METTL22: variants seen among roughly 807,000 people sequenced by gnomAD.
METTL22 encodes methyltransferase 22, Kin17 lysine.
In METTL22, 51 loss-of-function variants were observed where a neutral mutation model predicts 48.4. The ratio of observed to expected loss-of-function variants is 1.05; its 90% CI spans 0.84 to 1.33. The LOEUF is 1.33. Among genes scored for constraint, METTL22 ranks in the 40% most tolerant of loss-of-function variants. METTL22 has a pLI of 0.00. For missense variants in METTL22, 678 were observed against 526.9 expected, an observed-to-expected ratio of 1.29 and a Z score of -2.81; for synonymous variants, 255 against 214.1, an observed-to-expected ratio of 1.19 and a Z score of -1.67.
the METTL22 span, among the ~76,000 whole-genome samples, chr16:8,659,697 T>A: frequency 6.6e-6 from 1 of 151,662 alleles, no homozygotes; most frequent in African/African-American, 2.4e-5. Flanking sequence ...GTGTATACAA[T>A]TGATTAAATT....
Position 8,638,970 on chromosome 16 carries a change from G to C in METTL22, c.701-121G>C, listed in dbSNP as rs942022404. The C allele has an allele frequency of 5.3e-5, 50 of 947,858 alleles. No individual in the cohort carries two copies. In the African/African-American group the frequency reaches 7.9e-4, roughly 15 times the overall value. The allele number at this position is 947,858 out of a possible 1,614,324, so 58.7% of individuals were successfully genotyped here. A position where few individuals can be genotyped will look rare whatever the true frequency, so the allele number is the denominator to read the frequency against. On this transcript the variant is annotated intron_variant, in intron 5 of 10. Transcript: ENST00000381920. Reference sequence around the variant, plus strand: ...TTAATTTTGGCAGTAAGACACATAGGAGAAACGTTTCTCTAATTTCTGCAG... The same window carrying C: ...TTAATTTTGGCAGTAAGACACATAGCAGAAACGTTTCTCTAATTTCTGCAG...
Position 8,635,286 on chromosome 16 carries a change from C to A in METTL22, c.674C>A (p.Thr225Asn). The change falls in exon 5 of 11, where the codon ACC becomes AAC. Residue 225 changes from threonine to asparagine, a missense_variant. Physicochemically the swap from Thr to Asn is moderately conservative, Grantham distance 65. Coordinates refer to ENST00000381920, the MANE Select transcript of METTL22 (RefSeq NM_024109.4). ...GTGLASIIAA[T>N]MARTVYCTDV... ...GGGCTCGCTAGCATCATCGCAGCCACCATGGCACGGACCGTTTATTGTACA... is the reference window on the plus strand; with the variant it reads ...GGGCTCGCTAGCATCATCGCAGCCAACATGGCACGGACCGTTTATTGTACA... 1 of 1,594,446 alleles carries A rather than the reference C, an allele frequency of 6.3e-7. No individual in the cohort carries two copies. The highest frequency in any genetic ancestry group is 1.1e-5 in the South Asian group (1 of 89,510).
chr16:8,663,578 G>A, the METTL22 span, among the ~76,000 whole-genome samples: 2 of 152,010 alleles, frequency 1.3e-5, no homozygotes, highest in African/African-American at 2.4e-5. Context: ...CCTGGAGGCT[G>A]GGGGAGGTCC....
At position 8,647,007 on chromosome 16, in the gene METTL22, C is replaced by A; in HGVS notation, c.*864C>A. The A allele has an allele frequency of 3.1e-6, 1 of 319,226 alleles. No homozygotes were observed. Among genetic ancestry groups the A allele is most frequent in the Non-Finnish European group, 6.2e-6 (1 of 162,006 alleles). The allele number at this position is 319,226 out of a possible 1,614,324, so 19.8% of individuals were successfully genotyped here. ...GTCCCATCTTCCTGCTACCCTTGGCCCTCCCTGCAGCCCCTTTCCCCTGCC... is the reference window on the plus strand; with the variant it reads ...GTCCCATCTTCCTGCTACCCTTGGCACTCCCTGCAGCCCCTTTCCCCTGCC... On this transcript the variant is annotated 3_prime_UTR_variant, in exon 11 of 11. Coordinates refer to ENST00000381920, the MANE Select transcript of METTL22 (RefSeq NM_024109.4).
At chr16:8,663,510 C>G in the METTL22 span, among the ~76,000 whole-genome samples, 3 of 152,028 alleles carry the variant, frequency 2.0e-5, no homozygotes, top group African/African-American at 7.2e-5. Flanking sequence ...GGGAGGGTCA[C>G]CTGGGGAAGA....
intron 5 of METTL22, among the ~76,000 whole-genome samples, chr16:8,638,118 G>GC (rs60617700): frequency 0.99 from 150,414 of 152,314 alleles, 74,302 homozygotes; most frequent in Middle Eastern, 1. Flanking sequence ...CTGTACTTCA[G>GC]TTGGTCAACA....
At chr16:8,637,192 C>T (rs565396412) in intron 5 of METTL22, among the ~76,000 whole-genome samples, 1 of 152,284 alleles carries the variant, frequency 6.6e-6, no homozygotes, top group East Asian at 1.9e-4. Context: ...CTGGCACAGA[C>T]TTTTGTTTCT....
downstream of METTL22, among the ~76,000 whole-genome samples, chr16:8,652,342 C>A (rs886495965): frequency 1.3e-4 from 19 of 151,590 alleles, no homozygotes; most frequent in Non-Finnish European, 2.4e-4. Context: ...AGCTGTAATC[C>A]CAGCTACTCA....
intron 3 of METTL22, chr16:8,631,421 C>T (rs954654558): frequency 2.0e-5 from 3 of 152,168 alleles, no homozygotes; most frequent in Non-Finnish European, 4.4e-5. Flanking sequence ...CCCGTGCCTT[C>T]CTGCTGGAGA....
chr16:8,635,104 G>A, intron 4 of METTL22, 25 bp downstream of exon 4: 1 of 1,613,980 alleles, frequency 6.2e-7, no homozygotes, highest in South Asian at 1.1e-5. Context: ...TCCGCTTCCT[G>A]TGGCCCTGAT....
At chr16:8,651,393 A>AAAAAAAAAAAAC (rs2056895394), downstream of METTL22, among the ~76,000 whole-genome samples, 1 of 150,212 alleles carries the variant, frequency 6.7e-6, no homozygotes, top group Non-Finnish European at 1.5e-5. Flanking sequence ...TCTCAAAAAA[A>AAAAAAAAAAAAC]AAAAAAAAAA....
chr16:8,642,340 A>T, intron 8 of METTL22, 123 bp from the exon 9 acceptor site: 1 of 1,260,138 alleles, frequency 7.9e-7, no homozygotes, highest in Non-Finnish European at 1.2e-6. Context: ...CTGCAGTTTT[A>T]ATTCTGGAAG....
chr16:8,644,544 G>T lies in METTL22; in HGVS notation c.1011-13G>T. On this transcript the variant is annotated splice_polypyrimidine_tract_variant and intron_variant, in intron 9 of 10. Coordinates refer to ENST00000381920, the MANE Select transcript of METTL22 (RefSeq NM_024109.4). ...ATGATGGCAGTTTGTGCGTCCGACT[G>T]GCTGGTTTGCAGGCTCAACTTCACA... The T allele has an allele frequency of 6.5e-7, 1 of 1,529,390 alleles. No individual in the cohort carries two copies. 94.7% of individuals were successfully genotyped at this position (1,529,390 alleles called of 1,614,324 possible). A position where few individuals can be genotyped will look rare whatever the true frequency, so the allele number is the denominator to read the frequency against.
downstream of METTL22, among the ~76,000 whole-genome samples, chr16:8,653,941 C>T (rs1313247161): frequency 6.6e-6 from 1 of 152,032 alleles, no homozygotes; most frequent in African/African-American, 2.4e-5. Flanking sequence ...CAGAACCAAG[C>T]TCAATGTGGG....
At chr16:8,645,567 G>C (rs898979146) in intron 10 of METTL22, among the ~76,000 whole-genome samples, 1 of 152,060 alleles carries the variant, frequency 6.6e-6, no homozygotes, top group Admixed American at 6.6e-5. Context: ...CTTGAAGCTA[G>C]GAGTTCGAGA....
rs997205370 is a variant in METTL22, at chr16:8,646,951, C to A, written c.*808C>A. 13 of 345,662 alleles carry A rather than the reference C, an allele frequency of 3.8e-5. No homozygotes were observed. The highest frequency in any genetic ancestry group is 7.4e-5 in the Non-Finnish European group (13 of 175,806). The allele number at this position is 345,662 out of a possible 1,614,324, so 21.4% of individuals were successfully genotyped here. A position where few individuals can be genotyped will look rare whatever the true frequency, so the allele number is the denominator to read the frequency against. The stretch of plus-strand genomic sequence containing the variant: ...CACCCCTTCCTGTCATCCTCTATGT[C>A]CCACTGTCTCTCTCCTTCTCTCCAG... On this transcript the variant is annotated 3_prime_UTR_variant, in exon 11 of 11. Transcript: ENST00000381920.
At chr16:8,635,844 AG>A (rs1298284680) in intron 5 of METTL22, among the ~76,000 whole-genome samples, 1 of 152,252 alleles carries the variant, frequency 6.6e-6, no homozygotes, top group Non-Finnish European at 1.5e-5. Flanking sequence ...GGAGCTGACT[AG>A]GCACTGCCCT....
chr16:8,658,601 G>C, the METTL22 span, among the ~76,000 whole-genome samples: 1 of 152,146 alleles, frequency 6.6e-6, no homozygotes, highest in Admixed American at 6.5e-5. Context: ...ACTTGGCATC[G>C]GTCAGAAGGA....
downstream of METTL22, among the ~76,000 whole-genome samples, chr16:8,654,477 C>T (rs905987166): frequency 1.3e-5 from 2 of 152,158 alleles, no homozygotes; most frequent in Non-Finnish European, 2.9e-5. Context: ...TTTGTTTTTA[C>T]AAACATGGGT....
Sources: gnomAD v4.1 joint callset for allele counts (sites outside exome capture counted in the v4.1 genomes callset) on GRCh38, gnomAD v4.1.1 for gene constraint, MANE v1.5 for transcripts, NCBI Gene and HGNC (gene_info 2026-07-23, HGNC 2026-07-21) for gene names.